SNTB1: variants seen among roughly 807,000 people sequenced by gnomAD.
SNTB1 encodes the protein beta-1-syntrophin.
SNTB1 carries 36 observed loss-of-function variants against 48.9 expected under a neutral mutation model. The ratio of observed to expected loss-of-function variants is 0.74; its 90% confidence interval spans 0.56 to 0.97. The LOEUF (loss-of-function observed/expected upper bound fraction) is 0.97, where lower values mean the gene tolerates loss of function less well. Among genes scored for constraint, SNTB1 ranks in the 50% least tolerant of loss-of-function variants. SNTB1 has a pLI of 0.00. For synonymous variants in SNTB1, 299 were observed against 294.6 expected, an observed-to-expected ratio of 1.01 and a Z score of -0.15; for missense variants, 786 against 703.4, an observed-to-expected ratio of 1.12 and a Z score of -1.33.
chr8:120,793,645 G>A (rs1820075118), intron 1 of SNTB1, among the ~76,000 whole-genome samples: 1 of 151,978 alleles, frequency 6.6e-6, no homozygotes, highest in African/African-American at 2.4e-5. Context: ...AGATTTGGGT[G>A]CTTAGGGTCT....
intron 1 of SNTB1, among the ~76,000 whole-genome samples, chr8:120,767,672 A>G (rs1299501698): frequency 1.3e-5 from 2 of 152,184 alleles, no homozygotes; most frequent in Non-Finnish European, 2.9e-5. Context: ...CTCATCTGTG[A>G]AATGGAGATT....
intron 1 of SNTB1, among the ~76,000 whole-genome samples, chr8:120,803,143 C>T (rs1820259179): frequency 6.6e-6 from 1 of 152,262 alleles, no homozygotes; most frequent in South Asian, 2.1e-4. Flanking sequence ...TCCACACTCA[C>T]CAACATGCAA....
intron 2 of SNTB1, among the ~76,000 whole-genome samples, chr8:120,647,001 C>T (rs993816582): frequency 3.2e-4 from 49 of 151,512 alleles, no homozygotes; most frequent in African/African-American, 1.1e-3. Flanking sequence ...TCTGTGGGAT[C>T]GATGGTGATA....
chr8:120,613,256 C>A (rs997759177), intron 3 of SNTB1, among the ~76,000 whole-genome samples: 1 of 151,854 alleles, frequency 6.6e-6, no homozygotes, highest in African/African-American at 2.4e-5. Flanking sequence ...GAGGCTGAGG[C>A]AGGAGAATTG....
chr8:120,712,479 A>G (rs1818480542), intron 1 of SNTB1, among the ~76,000 whole-genome samples: 1 of 151,910 alleles, frequency 6.6e-6, no homozygotes, highest in Admixed American at 6.6e-5. Context: ...GGTACACACC[A>G]TCCTAAATTT....
At chr8:120,586,335 A>G (rs1816139123) in intron 3 of SNTB1, among the ~76,000 whole-genome samples, 1 of 152,094 alleles carries the variant, frequency 6.6e-6, no homozygotes. Context: ...ACTTGGTGGT[A>G]TTTGCTATCC....
intron 1 of SNTB1, among the ~76,000 whole-genome samples, chr8:120,775,758 A>AAGGAAG (rs1819725403): frequency 8.9e-6 from 1 of 112,412 alleles, no homozygotes; most frequent in Non-Finnish European, 2.0e-5. Context: ...AAGGAAGGAA[A>AAGGAAG]GAAGGAAAGA....
At chr8:120,587,377 A>T (rs113603820) in intron 3 of SNTB1, among the ~76,000 whole-genome samples, 5,373 of 152,220 alleles carry the variant, frequency 0.035, 344 homozygotes, top group African/African-American at 0.12. Flanking sequence ...AATTATAAAG[A>T]TCTCCACAAT....
At chr8:120,586,871 A>G (rs979048677) in intron 3 of SNTB1, among the ~76,000 whole-genome samples, 2 of 152,202 alleles carry the variant, frequency 1.3e-5, no homozygotes, top group African/African-American at 2.4e-5. Context: ...AATAGTGACA[A>G]TTGTTGAAAC....
intron 5 of SNTB1, 64 bp from the exon 6 acceptor site, chr8:120,542,064 A>C: frequency 2.2e-6 from 3 of 1,367,508 alleles, no homozygotes; most frequent in Non-Finnish European, 3.0e-6. Context: ...CATTTTCCCA[A>C]TCACTCACTT....
intron 4 of SNTB1, among the ~76,000 whole-genome samples, chr8:120,552,395 G>A (rs1265643463): frequency 2.0e-5 from 3 of 152,198 alleles, no homozygotes; most frequent in African/African-American, 4.8e-5. Context: ...TTTAGACAGA[G>A]TCACCCAGGC....
intron 1 of SNTB1, among the ~76,000 whole-genome samples, chr8:120,808,383 A>T (rs1820370767): frequency 1.3e-5 from 2 of 152,174 alleles, no homozygotes; most frequent in African/African-American, 4.8e-5. Flanking sequence ...CTCTTTCTCC[A>T]GGTTCTGTTT....
chr8:120,607,692 AAAGG>A (rs1172091709), intron 3 of SNTB1, among the ~76,000 whole-genome samples: 1 of 152,228 alleles, frequency 6.6e-6, no homozygotes, highest in African/African-American at 2.4e-5. Context: ...GAAAAAGAAA[AAAGG>A]GAGTGATGCA....
At chr8:120,563,991 T>C (rs1815705671) in intron 4 of SNTB1, among the ~76,000 whole-genome samples, 1 of 151,780 alleles carries the variant, frequency 6.6e-6, no homozygotes, top group Non-Finnish European at 1.5e-5. Context: ...ACCTGTAATC[T>C]CAGCTACTTG....
At chr8:120,662,308 A>G (rs1452214665) in intron 2 of SNTB1, among the ~76,000 whole-genome samples, 1 of 152,244 alleles carries the variant, frequency 6.6e-6, no homozygotes, top group Non-Finnish European at 1.5e-5. Flanking sequence ...TTAAAAGGTC[A>G]CACTACATGA....
chr8:120,723,843 G>A (rs546487502), intron 1 of SNTB1, among the ~76,000 whole-genome samples: 5 of 152,312 alleles, frequency 3.3e-5, no homozygotes, highest in African/African-American at 9.6e-5. Flanking sequence ...TCCAGTAAAC[G>A]GCAGCTATTG....
intron 3 of SNTB1, among the ~76,000 whole-genome samples, chr8:120,628,909 A>C (rs1268826156): frequency 6.6e-6 from 1 of 152,164 alleles, no homozygotes. Context: ...TTGTAGTCCC[A>C]GTTACTTGGG....
intron 3 of SNTB1, among the ~76,000 whole-genome samples, chr8:120,602,408 T>C (rs1171493554): frequency 1.3e-5 from 2 of 152,218 alleles, no homozygotes; most frequent in African/African-American, 4.8e-5. Context: ...TGACTTTGAG[T>C]AAAGCAGATG....
intron 1 of SNTB1, among the ~76,000 whole-genome samples, chr8:120,737,412 G>C (rs1038613167): frequency 6.6e-6 from 1 of 152,166 alleles, no homozygotes; most frequent in Non-Finnish European, 1.5e-5. Context: ...ACTGTATAGT[G>C]TATGTTACTT....
Sources: gnomAD v4.1 joint callset for allele counts (sites outside exome capture counted in the v4.1 genomes callset) on GRCh38, gnomAD v4.1.1 for gene constraint, MANE v1.5 for transcripts, NCBI Gene and HGNC (gene_info 2026-07-23, HGNC 2026-07-21) for gene names.